The following MAPK12 variants were observed in gnomAD, a reference collection of about 807,000 sequenced individuals.
MAPK12 encodes the protein MAP kinase 12.
MAPK12 carries 49 observed loss-of-function variants against 49.1 expected under a neutral mutation model. That is an observed-to-expected ratio of 1.00 (90% CI 0.79 to 1.27). MAPK12 has a LOEUF of 1.27. Among genes scored for constraint, MAPK12 ranks in the 50% most tolerant of loss-of-function variants. The pLI, the probability that MAPK12 is intolerant of heterozygous loss-of-function variation, is 0.00. For synonymous variants in MAPK12, 251 were observed against 209.7 expected, an observed-to-expected ratio of 1.20 and a Z score of -1.70; for missense variants, 554 against 502.4, an observed-to-expected ratio of 1.10 and a Z score of -0.98.
Position 50,261,494 on chromosome 22 carries a change from G to A in MAPK12, c.16C>T (p.Pro6Ser). ...TGGCGGTAAAAGCCACTGCGGGCGG[G>A]CGGCGGAGAGCTCATGGCAGGCCCG... MSSPP[P>S]ARSGFYRQEV... The change falls in exon 1 of 12, where the codon CCC (proline) becomes TCC (serine). Residue 6 changes from proline to serine, a missense_variant. Coordinates refer to ENST00000215659, the MANE Select transcript of MAPK12 (RefSeq NM_002969.6). The A allele has an allele frequency of 1.6e-6, 2 of 1,247,244 alleles. No individual in the cohort carries two copies. The highest frequency in any genetic ancestry group is 2.1e-6 in the Non-Finnish European group (2 of 971,992). 77.3% of individuals were successfully genotyped at this position (1,247,244 alleles called of 1,614,324 possible).
At chr22:50,255,778 GC>G in intron 8 of MAPK12, 31 bp downstream of exon 8, 2 of 1,611,478 alleles carry the variant, frequency 1.2e-6, no homozygotes, top group Non-Finnish European at 1.7e-6. Context: ...ATCCCCACCC[GC>G]CCCTGGTGCC....
Position 50,256,654 on chromosome 22 carries a change from C to G in MAPK12, c.457-8G>C, listed in dbSNP as rs764303500. On this transcript the variant is annotated splice_polypyrimidine_tract_variant and splice_region_variant and intron_variant, in intron 5 of 11. Transcript: ENST00000215659. The stretch of plus-strand genomic sequence containing the variant: ...GTTGCCGGGCTTCAGGTCCTGGGGG[C>G]AGAGGAAAGGTGGCCACTGTGCCCC... 6.2e-7 allele frequency: 1 copy of G among 1,609,248 alleles called. No homozygotes were observed. The highest frequency in any genetic ancestry group is 2.2e-5 in the East Asian group (1 of 44,826).
Position 50,255,237 on chromosome 22 carries a change from G to T in MAPK12, c.984C>A (p.Asp328Glu). The change falls in exon 11 of 12, where the codon GAC (aspartate) becomes GAA (glutamate). Residue 328 changes from aspartate (D) to glutamate (E), a missense_variant. Coordinates refer to ENST00000215659, the MANE Select transcript of MAPK12 (RefSeq NM_002969.6). ...EDEPQVQKYD[D>E]SFDDVDRTLD... ...GTGTGCGGTCAACGTCGTCAAAGGAGTCATCATACTTCTGGACCTGGGGCT... is the reference window on the plus strand; with the variant it reads ...GTGTGCGGTCAACGTCGTCAAAGGATTCATCATACTTCTGGACCTGGGGCT... 6.2e-7 allele frequency: 1 copy of T among 1,613,988 alleles called. No individual in the cohort carries two copies. The highest frequency in any genetic ancestry group is 8.5e-7 in the Non-Finnish European group (1 of 1,180,012).
At chr22:50,261,070 G>C (rs2065207299) in intron 2 of MAPK12, 97 bp downstream of exon 2, 2 of 1,339,086 alleles carry the variant, frequency 1.5e-6, no homozygotes, top group South Asian at 1.5e-5. Flanking sequence ...CCCCACAGCA[G>C]GCTGCCTGGA....
chr22:50,258,274 G>T lies in MAPK12; in HGVS notation c.283C>A (p.Pro95Thr), dbSNP rs148981556. The T allele has an allele frequency of 6.2e-7, 1 of 1,613,036 alleles. No homozygotes were observed. The highest frequency in any genetic ancestry group is 1.3e-5 in the African/African-American group (1 of 74,944). ...GTGAAGTCATCCAGGGTCTCATCAG[G>T]AGTGAATACGTCCAGCAGCCCGATC... ...NVIGLLDVFT[P>T]DETLDDFTDF... Residue 95 changes from proline (P) to threonine (T), a missense_variant, in exon 3 of 12, where the codon CCT becomes ACT. Physicochemically the swap from Pro to Thr is conservative, Grantham distance 38 (BLOSUM62 -1). Transcript: ENST00000215659.
rs1373082065 is a variant in MAPK12 at position 50,261,272 on chromosome 22, G to A, written c.150C>T (p.Gly50=). 6 of 1,532,306 alleles carry A rather than the reference G, an allele frequency of 3.9e-6. No individual in the cohort carries two copies. The highest frequency in any genetic ancestry group is 5.3e-6 in the Non-Finnish European group (6 of 1,140,362). 94.9% of individuals were successfully genotyped at this position (1,532,306 alleles called of 1,614,324 possible). ...AVCSAVDGRT[G]AKVAIKKLYR... The stretch of plus-strand genomic sequence containing the variant: ...ACAGCTTCTTGATGGCCACCTTAGC[G>A]CCGGTGCGGCCGTCCACGGCCGAGC... Residue 50 remains glycine, a synonymous_variant, in exon 2 of 12, where the codon GGC becomes GGT. Coordinates refer to ENST00000215659, the MANE Select transcript of MAPK12 (RefSeq NM_002969.6).
intron 11 of MAPK12, 148 bp downstream of exon 11, chr22:50,255,049 C>A (rs1030354736): frequency 6.7e-7 from 1 of 1,502,268 alleles, no homozygotes. Context: ...ACAGGGCCCA[C>A]AGGGTCCACA....
In MAPK12 at chr22:50,261,245, A is replaced by G. The variant is rs1235415099; in HGVS notation, c.177T>C (p.Tyr59=). The change falls in exon 2 of 12, where the codon TAT becomes TAC. Residue 59 remains tyrosine, a synonymous_variant. Transcript: ENST00000215659. ...TGAKVAIKKL[Y]RPFQSELFAK... is the part of the protein sequence containing the mutation. ...CGAACAGCTCGGACTGGAAAGGCCGATACAGCTTCTTGATGGCCACCTTAG... is the reference window on the plus strand; with the variant it reads ...CGAACAGCTCGGACTGGAAAGGCCGGTACAGCTTCTTGATGGCCACCTTAG... 3 of 1,571,368 alleles carry G rather than the reference A, an allele frequency of 1.9e-6. No homozygotes were observed. The highest frequency in any genetic ancestry group is 1.8e-5 in the Admixed American group (1 of 55,650).
At chr22:50,259,612 G>A (rs2065188380) in intron 2 of MAPK12, among the ~76,000 whole-genome samples, 1 of 152,186 alleles carries the variant, frequency 6.6e-6, no homozygotes, top group African/African-American at 2.4e-5. Context: ...GCCCGGCGCG[G>A]TGGCTCACGC....
rs2065116457 is a variant in MAPK12, at chr22:50,253,245, C to T, written c.*156G>A. On this transcript the variant is annotated 3_prime_UTR_variant, in exon 12 of 12. Coordinates refer to ENST00000215659, the MANE Select transcript of MAPK12 (RefSeq NM_002969.6). Reference sequence around the variant, plus strand: ...CATGATGGGCGCCCAAGAGCAGAGGCATGGCCGTGGGGAGGAGGGTCCATG... The same window carrying T: ...CATGATGGGCGCCCAAGAGCAGAGGTATGGCCGTGGGGAGGAGGGTCCATG... 1.4e-6 allele frequency: 1 copy of T among 695,460 alleles called. No individual in the cohort carries two copies. Among genetic ancestry groups the T allele is most frequent in the South Asian group, 1.5e-5 (1 of 64,770 alleles). The allele number at this position is 695,460 out of a possible 1,614,324, so 43.1% of individuals were successfully genotyped here.
At chr22:50,253,502 G>GGGCCCCCCCCCCCCCCCCCCC in intron 11 of MAPK12, 22 bp from the exon 12 acceptor site, 2 of 171,684 alleles carry the variant, frequency 1.2e-5, no homozygotes, top group Non-Finnish European at 1.1e-5. Context: ...GGGGGGGCGG[G>GGGCCCCCCCCCCCCCCCCCCC]CACAACAGAG....
At chr22:50,257,810 A>C in intron 3 of MAPK12, 1 of 715,604 alleles carries the variant, frequency 1.4e-6, no homozygotes, top group South Asian at 1.5e-5. Context: ...ACAGGGTGTG[A>C]GTCCCAGGGT....
rs1049631389 is a variant in MAPK12, at chr22:50,253,915, G to A, written c.1025-435C>T. ...GGACCCGTGGTCGTAAGGAGCACATGTGAATCTCAACCCATCCAGCCCCAC... is the reference window on the plus strand; with the variant it reads ...GGACCCGTGGTCGTAAGGAGCACATATGAATCTCAACCCATCCAGCCCCAC... On this transcript the variant is annotated intron_variant, in intron 11 of 11. Transcript: ENST00000215659. 7 of 188,364 alleles carry A rather than the reference G, an allele frequency of 3.7e-5. No homozygotes were observed. The Admixed American group carries it at 3.8e-4, about 10-fold the overall frequency. The allele number at this position is 188,364 out of a possible 1,614,324, so 11.7% of individuals were successfully genotyped here.
At chr22:50,257,471 A>G in intron 3 of MAPK12, 1 of 546,298 alleles carries the variant, frequency 1.8e-6, no homozygotes, top group South Asian at 2.1e-5. Flanking sequence ...GGGGTTTTTG[A>G]ACCCTCCGCT....
At chr22:50,253,702 C>T in intron 11 of MAPK12, 1 of 585,638 alleles carries the variant, frequency 1.7e-6, no homozygotes, top group Non-Finnish European at 3.1e-6. Flanking sequence ...ACATGTCCAC[C>T]ACGGTCTGTC....
Position 50,261,408 on chromosome 22 carries a change from G to A in MAPK12, c.102C>T (p.Gly34=), listed in dbSNP as rs988778170. 3 of 1,225,078 alleles carry A rather than the reference G, an allele frequency of 2.4e-6. No individual in the cohort carries two copies. The highest frequency in any genetic ancestry group is 2.9e-5 in the Admixed American group (1 of 34,760). 75.9% of individuals were successfully genotyped at this position (1,225,078 alleles called of 1,614,324 possible). A position where few individuals can be genotyped will look rare whatever the true frequency, so the allele number is the denominator to read the frequency against. ...RAVYRDLQPV[G]SGAYGAVCSA... ...ACCACACCGCGCCGTAGGCGCCCGAGCCCACGGGCTGCAGGTCCCGGTACA... is the reference window on the plus strand; with the variant it reads ...ACCACACCGCGCCGTAGGCGCCCGAACCCACGGGCTGCAGGTCCCGGTACA... The change falls in exon 1 of 12, where the codon GGC becomes GGT. Residue 34 remains glycine, a synonymous_variant. Transcript: ENST00000215659.
Position 50,255,251 on chromosome 22 carries a change from G to T in MAPK12, c.970C>A (p.Gln324Lys). The change falls in exon 11 of 12, where the codon CAG becomes AAG. Residue 324 changes from glutamine to lysine, a missense_variant. Coordinates refer to ENST00000215659, the MANE Select transcript of MAPK12 (RefSeq NM_002969.6). ...LHDTEDEPQV[Q>K]KYDDSFDDVD... Reference sequence around the variant, plus strand: ...TCGTCAAAGGAGTCATCATACTTCTGGACCTGGGGCTCATCTTCCGTGTCG... The same window carrying T: ...TCGTCAAAGGAGTCATCATACTTCTTGACCTGGGGCTCATCTTCCGTGTCG... The T allele has an allele frequency of 6.2e-7, 1 of 1,613,940 alleles. No homozygotes were observed. Among genetic ancestry groups the T allele is most frequent in the Non-Finnish European group, 8.5e-7 (1 of 1,180,008 alleles).
Position 50,255,301 on chromosome 22 carries a change from G to C in MAPK12, c.920C>G (p.Ala307Gly), listed in dbSNP as rs1183818104. The C allele has an allele frequency of 6.2e-7, 1 of 1,613,548 alleles. No homozygotes were observed. Among genetic ancestry groups the C allele is most frequent in the Non-Finnish European group, 8.5e-7 (1 of 1,180,020 alleles). Residue 307 changes from alanine to glycine, a missense_variant, in exon 11 of 12, where the codon GCC becomes GGC. Physicochemically the swap from Ala to Gly is moderately conservative, Grantham distance 60. Coordinates refer to ENST00000215659, the MANE Select transcript of MAPK12 (RefSeq NM_002969.6). ...EQRVTAGEAL[A>G]HPYFESLHDT... is the part of the protein sequence containing the mutation. ...GTGCAGGGACTCGAAGTAGGGATGG[G>C]CCAGCGCCTCGCCTGCCGTCACCCG...
intron 3 of MAPK12, chr22:50,257,712 G>A (rs955756373): frequency 8.1e-6 from 5 of 618,528 alleles, no homozygotes; most frequent in African/African-American, 1.8e-5. Flanking sequence ...CCTTCCCAGA[G>A]GCCACTGACT....
Sources: gnomAD v4.1 joint callset for allele counts (sites outside exome capture counted in the v4.1 genomes callset) on GRCh38, gnomAD v4.1.1 for gene constraint, MANE v1.5 for transcripts, NCBI Gene and HGNC (gene_info 2026-07-23, HGNC 2026-07-21) for gene names.